Variants in AGBL1 observed in about 807,000 individuals in gnomAD.
AGBL1 encodes cytosolic carboxypeptidase 4.
In AGBL1, 130 loss-of-function variants were observed where a neutral mutation model predicts 118.9. That is an observed-to-expected ratio of 1.09 (90% CI 0.95 to 1.26). The LOEUF (loss-of-function observed/expected upper bound fraction) is 1.26. Among genes scored for constraint, AGBL1 ranks in the 50% most tolerant of loss-of-function variants. AGBL1 has a pLI of 0.00. For missense variants in AGBL1, 1,584 were observed against 1,298.1 expected (o/e 1.22, Z -3.38); for synonymous variants, 555 against 478.9 (o/e 1.16, Z -2.08).
chr15:86,991,444 T>G (rs1433225913), intron 24 of AGBL1, among the ~76,000 whole-genome samples: 1 of 150,672 alleles, frequency 6.6e-6, no homozygotes, highest in Non-Finnish European at 1.5e-5. Context: ...AGATTTATAT[T>G]TATTTATTTA....
intron 22 of AGBL1, among the ~76,000 whole-genome samples, chr15:86,862,360 G>C (rs1401713741): frequency 6.6e-6 from 1 of 152,132 alleles, no homozygotes; most frequent in Non-Finnish European, 1.5e-5. Context: ...TATGATATTA[G>C]CCCAAGGGTG....
intron 24 of AGBL1, among the ~76,000 whole-genome samples, chr15:86,989,731 A>AG (rs1191086783): frequency 6.6e-5 from 10 of 152,198 alleles, no homozygotes. Flanking sequence ...AACAAGATAG[A>AG]GATTGGTAGG....
At chr15:86,152,157 G>GA (rs1190814232) in intron 3 of AGBL1, among the ~76,000 whole-genome samples, 1 of 114,946 alleles carries the variant, frequency 8.7e-6, no homozygotes, top group Non-Finnish European at 1.7e-5. Flanking sequence ...TCACAGATTG[G>GA]AAAAAACTAT....
At chr15:86,782,815 C>G (rs1293755848) in intron 22 of AGBL1, among the ~76,000 whole-genome samples, 2 of 152,256 alleles carry the variant, frequency 1.3e-5, no homozygotes, top group South Asian at 4.1e-4. Flanking sequence ...ATACTTTATT[C>G]TTGTGAAGGT....
chr15:86,413,627 G>A (rs1407204707), intron 18 of AGBL1, among the ~76,000 whole-genome samples: 1 of 151,930 alleles, frequency 6.6e-6, no homozygotes, highest in Middle Eastern at 3.2e-3. Context: ...ATAATTAGTG[G>A]TGTTGGGTAT....
intron 21 of AGBL1, among the ~76,000 whole-genome samples, chr15:86,559,347 C>A (rs2083780883): frequency 6.6e-6 from 1 of 152,212 alleles, no homozygotes; most frequent in African/African-American, 2.4e-5. Context: ...ACAAAATTAT[C>A]TCCAAGAATT....
At chr15:86,614,129 T>C (rs188711825) in intron 21 of AGBL1, among the ~76,000 whole-genome samples, 291 of 152,330 alleles carry the variant, frequency 1.9e-3, no homozygotes, top group African/African-American at 5.8e-3. Context: ...ACTGTAAGCA[T>C]CTATTACACT....
At chr15:86,271,528 G>A in intron 14 of AGBL1, 91 bp from the exon 15 acceptor site, 1 of 966,484 alleles carries the variant, frequency 1.0e-6, no homozygotes, top group Non-Finnish European at 1.7e-6. Flanking sequence ...CAGTTTCCAG[G>A]GATTAAGACC....
At chr15:86,469,623 G>T (rs974330249) in intron 18 of AGBL1, among the ~76,000 whole-genome samples, 2 of 152,078 alleles carry the variant, frequency 1.3e-5, no homozygotes, top group African/African-American at 2.4e-5. Flanking sequence ...GGATCATAGG[G>T]TAGTTCATTG....
intron 18 of AGBL1, among the ~76,000 whole-genome samples, chr15:86,507,127 G>A (rs890926121): frequency 1.3e-5 from 2 of 151,966 alleles, no homozygotes; most frequent in African/African-American, 4.8e-5. Context: ...TAATGATAAA[G>A]CCCTCTGATT....
At chr15:86,825,953 A>G (rs2079008171) in intron 22 of AGBL1, among the ~76,000 whole-genome samples, 1 of 152,016 alleles carries the variant, frequency 6.6e-6, no homozygotes, top group South Asian at 2.1e-4. Flanking sequence ...GAGATAAATT[A>G]TAGATACACA....
intron 22 of AGBL1, among the ~76,000 whole-genome samples, chr15:86,745,765 A>G (rs1009435238): frequency 2.0e-5 from 3 of 152,040 alleles, no homozygotes; most frequent in Non-Finnish European, 4.4e-5. Flanking sequence ...GCCAGTCATT[A>G]TTTGGTGGCA....
chr15:86,137,280 T>G lies in AGBL1; in HGVS notation c.52-4724T>G, dbSNP rs186959104. Among the ~76,000 whole-genome samples, 7 of 152,352 alleles carry G rather than the reference T, an allele frequency of 4.6e-5. No homozygotes were observed. In the East Asian group the frequency reaches 1.4e-3, roughly 29 times the overall value. ...TCTTTAGGACAACACTGTCTCTTAG[T>G]TTCCATGGGGTGGCAGGACCCTGTG... On this transcript the variant is annotated intron_variant, in intron 1 of 22. Coordinates refer to ENST00000614907, the MANE Select transcript of AGBL1 (RefSeq NM_001386094.1).
At chr15:86,959,169 T>A (rs2080964384) in intron 23 of AGBL1, among the ~76,000 whole-genome samples, 1 of 152,154 alleles carries the variant, frequency 6.6e-6, no homozygotes, top group Admixed American at 6.6e-5. Context: ...AGTTTAGTAT[T>A]TATTAATCTT....
chr15:86,588,432 T>G (rs8023323), intron 21 of AGBL1, among the ~76,000 whole-genome samples: 18,737 of 152,086 alleles, frequency 0.12, 2,367 homozygotes, highest in African/African-American at 0.33. Context: ...GAAGAAAACT[T>G]GCAGCAGTAA....
chr15:86,440,198 T>C (rs1316273749), intron 18 of AGBL1, among the ~76,000 whole-genome samples: 1 of 152,244 alleles, frequency 6.6e-6, no homozygotes, highest in Middle Eastern at 3.4e-3. Flanking sequence ...AAATCATTCA[T>C]TGGGATTTAA....
intron 1 of AGBL1, among the ~76,000 whole-genome samples, chr15:86,121,280 A>G (rs1173079045): frequency 7.2e-5 from 11 of 152,174 alleles, no homozygotes. Context: ...ATAATTTGTC[A>G]TTTTACTATT....
intron 22 of AGBL1, among the ~76,000 whole-genome samples, chr15:86,817,651 A>G (rs1265943970): frequency 1.3e-5 from 1 of 74,650 alleles, no homozygotes; most frequent in Non-Finnish European, 3.4e-5. Context: ...ACACACAGAC[A>G]CACACACACA....
At chr15:86,642,193 C>T (rs570843508) in intron 21 of AGBL1, among the ~76,000 whole-genome samples, 1 of 152,270 alleles carries the variant, frequency 6.6e-6, no homozygotes, top group South Asian at 2.1e-4. Context: ...AACAGGAATG[C>T]ATGTAAGCTA....
Sources: gnomAD v4.1 joint callset for allele counts (sites outside exome capture counted in the v4.1 genomes callset) on GRCh38, gnomAD v4.1.1 for gene constraint, MANE v1.5 for transcripts, NCBI Gene and HGNC (gene_info 2026-07-23, HGNC 2026-07-21) for gene names.